KLF13: variants seen among roughly 807,000 people sequenced by gnomAD.
KLF13 encodes Krueppel-like factor 13.
In KLF13, 8 loss-of-function variants were observed where a neutral mutation model predicts 16.7. That is an observed-to-expected ratio of 0.48 (90% CI 0.28 to 0.87). The LOEUF (loss-of-function observed/expected upper bound fraction) is 0.87, where lower values mean the gene tolerates loss of function less well. Among genes scored for constraint, KLF13 ranks in the 40% least tolerant of loss-of-function variants. KLF13 has a pLI of 0.10. For missense variants in KLF13, 447 were observed against 452.2 expected, an observed-to-expected ratio of 0.99 and a Z score of 0.10; for synonymous variants, 245 against 208.4, an observed-to-expected ratio of 1.18 and a Z score of -1.51.
intron 1 of KLF13, among the ~76,000 whole-genome samples, chr15:31,411,742 A>G (rs1006345573): frequency 2.6e-5 from 4 of 152,138 alleles, no homozygotes; most frequent in African/African-American, 4.8e-5. Flanking sequence ...CCATATGATT[A>G]TAGAAGTATA....
chr15:31,331,114 AT>A lies in KLF13; in HGVS notation c.577+3328del, dbSNP rs2038824322. 2.0e-5 allele frequency among the ~76,000 whole-genome samples: 3 copies of A among 152,192 alleles called. No individual in the cohort carries two copies. In the South Asian group the frequency reaches 6.2e-4, roughly 32 times the overall value. On this transcript the variant is annotated intron_variant, in intron 1 of 1. Coordinates refer to ENST00000307145, the MANE Select transcript of KLF13 (RefSeq NM_015995.4). ...AGAGACCCTGAATACATTTCTACCT[AT>A]TTGTTCCCACAGAGAATTGTTTTCA... is the stretch of plus-strand genomic sequence containing the variant.
chr15:31,402,399 C>T (rs2040050579), intron 2 of KLF13, among the ~76,000 whole-genome samples: 2 of 152,176 alleles, frequency 1.3e-5, no homozygotes, highest in Non-Finnish European at 2.9e-5. Context: ...CCTCAGATGC[C>T]GTGGAGATGA....
upstream of KLF13, chr15:31,392,720 T>G (rs1237524236): frequency 6.6e-6 from 1 of 152,196 alleles, no homozygotes; most frequent in African/African-American, 2.4e-5. Flanking sequence ...ATTTTAACAA[T>G]GGGGGTCCTG....
chr15:31,428,611 C>G (rs1441988607), intron 1 of KLF13, among the ~76,000 whole-genome samples: 1 of 151,854 alleles, frequency 6.6e-6, no homozygotes, highest in African/African-American at 2.4e-5. Flanking sequence ...TCAAGACCAT[C>G]CTGGCTAACA....
Position 31,428,820 on chromosome 15 carries a change from A to G in KLF13, n.118-6550A>G, listed in dbSNP as rs11636277. ...TCTATCTCAAAAAAAAAAAAAAAAA[A>G]AAAAAGAAAAAGAAAAAGAAATGCC... is the stretch of plus-strand genomic sequence containing the variant. On this transcript the variant is annotated intron_variant and non_coding_transcript_variant, in intron 1 of 1. Coordinates refer to the KLF13 transcript ENST00000558225. 5.9e-4 allele frequency among the ~76,000 whole-genome samples: 43 copies of G among 72,662 alleles called. 1 individual carries two copies. Among genetic ancestry groups the G allele is most frequent in the East Asian group, 1.6e-3 (3 of 1,918 alleles). 47.7% of individuals were successfully genotyped at this position (72,662 alleles called of 152,430 possible).
chr15:31,426,207 C>G (rs780513106), intron 1 of KLF13, among the ~76,000 whole-genome samples: 1 of 152,184 alleles, frequency 6.6e-6, no homozygotes, highest in Non-Finnish European at 1.5e-5. Context: ...CTATCTTTTT[C>G]TGAGCCCTTC....
rs564625870 is a variant in KLF13 at position 31,374,988 on chromosome 15, G to A, written c.*2689G>A. ...CATTGCCTTAAAACAGAAATATGCA[G>A]GCGTTGGCTATTTTTGGCATAAGAG... On this transcript the variant is annotated 3_prime_UTR_variant, in exon 2 of 2. Coordinates refer to ENST00000307145, the MANE Select transcript of KLF13 (RefSeq NM_015995.4). 5 of 152,688 alleles carry A rather than the reference G, an allele frequency of 3.3e-5. No homozygotes were observed. In the East Asian group the frequency reaches 9.7e-4, roughly 29 times the overall value. 9.5% of individuals were successfully genotyped at this position (152,688 alleles called of 1,614,324 possible).
intron 1 of KLF13, among the ~76,000 whole-genome samples, chr15:31,350,562 C>A (rs1009085039): frequency 6.6e-6 from 1 of 152,224 alleles, no homozygotes; most frequent in Admixed American, 6.5e-5. Flanking sequence ...GGAAATGACA[C>A]CCAAGCCTTG....
chr15:31,376,078 A>G lies in KLF13; in HGVS notation c.*3779A>G, dbSNP rs1482200216. ...CAGAGAGGGCTGGCCACTCTGCCTC[A>G]GGACTTGACCTCAAGTGTTCTGTCT... On this transcript the variant is annotated 3_prime_UTR_variant, in exon 2 of 2. Coordinates refer to ENST00000307145, the MANE Select transcript of KLF13 (RefSeq NM_015995.4). The G allele has an allele frequency of 6.5e-6, 1 of 152,818 alleles. No individual in the cohort carries two copies. Among genetic ancestry groups the G allele is most frequent in the East Asian group, 1.9e-4 (1 of 5,184 alleles). The allele number at this position is 152,818 out of a possible 1,614,324, so 9.5% of individuals were successfully genotyped here.
chr15:31,428,301 A>T (rs1175977901), intron 1 of KLF13, among the ~76,000 whole-genome samples: 4 of 152,222 alleles, frequency 2.6e-5, no homozygotes, highest in African/African-American at 9.6e-5. Flanking sequence ...TGTCTCTCGC[A>T]CAACATGTGT....
intron 1 of KLF13, among the ~76,000 whole-genome samples, chr15:31,425,320 A>G (rs943134198): frequency 6.6e-6 from 1 of 152,244 alleles, no homozygotes; most frequent in Non-Finnish European, 1.5e-5. Context: ...ATCCTAAGGA[A>G]TAGCCCAAAT....
intron 1 of KLF13, among the ~76,000 whole-genome samples, chr15:31,354,421 C>T (rs1203448291): frequency 1.3e-5 from 2 of 152,166 alleles, no homozygotes; most frequent in African/African-American, 4.8e-5. Flanking sequence ...ACTCCTGTTG[C>T]CCAGGCTGGA....
intron 1 of KLF13, 145 bp downstream of exon 1, chr15:31,327,934 C>G (rs1201011031): frequency 1.4e-5 from 14 of 984,338 alleles, no homozygotes; most frequent in Non-Finnish European, 1.5e-5. Context: ...CCCTGCCGCT[C>G]CGACCCGCGG....
chr15:31,327,976 G>A (rs1055961342), intron 1 of KLF13, among the ~76,000 whole-genome samples, 187 bp downstream of exon 1: 1 of 147,934 alleles, frequency 6.8e-6, no homozygotes, highest in South Asian at 2.1e-4. Flanking sequence ...GGCGGGTCTT[G>A]GCTCTCGGAG....
chr15:31,342,400 C>T (rs953863707), intron 1 of KLF13, among the ~76,000 whole-genome samples: 1 of 152,216 alleles, frequency 6.6e-6, no homozygotes, highest in Non-Finnish European at 1.5e-5. Flanking sequence ...GCCCCGCCTT[C>T]CCTCCTGAGA....
At chr15:31,391,058 G>A (rs1043379522), upstream of KLF13, among the ~76,000 whole-genome samples, 6 of 139,344 alleles carry the variant, frequency 4.3e-5, no homozygotes, top group Non-Finnish European at 9.3e-5. Flanking sequence ...GCTTCTCTAT[G>A]GGGTGGAGGG....
At chr15:31,328,042 C>T (rs2038751620) in intron 1 of KLF13, among the ~76,000 whole-genome samples, 1 of 148,424 alleles carries the variant, frequency 6.7e-6, no homozygotes, top group Non-Finnish European at 1.5e-5. Context: ...CCCGGGCGCG[C>T]TCGGGTGGGG....
At chr15:31,364,949 AG>A (rs1268932904) in intron 1 of KLF13, among the ~76,000 whole-genome samples, 3 of 152,202 alleles carry the variant, frequency 2.0e-5, no homozygotes, top group Admixed American at 6.5e-5. Flanking sequence ...GCTACCCCTG[AG>A]GCTGTATGCC....
chr15:31,335,496 C>A (rs933446538), intron 1 of KLF13, among the ~76,000 whole-genome samples: 1 of 10,008 alleles, frequency 1.0e-4, no homozygotes, highest in East Asian at 2.1e-3. Flanking sequence ...GGGCAGGGGG[C>A]GGGGGGAGGG....
Sources: allele counts gnomAD v4.1 joint callset (sites outside exome capture counted in the v4.1 genomes callset), GRCh38; gene constraint gnomAD v4.1.1; transcripts MANE v1.5; gene names NCBI Gene and HGNC (gene_info 2026-07-23, HGNC 2026-07-21).